Variants in ATF7IP observed in about 807,000 individuals in gnomAD.
The protein encoded by ATF7IP is activating transcription factor 7-interacting protein 1.
In ATF7IP, 23 loss-of-function variants were observed where a neutral mutation model predicts 106.4. The observed-to-expected ratio is 0.22, with a 90% CI of 0.16 to 0.31. The LOEUF (loss-of-function observed/expected upper bound fraction) is 0.31. Ranked by LOEUF, ATF7IP falls within the 10% of genes least tolerant of loss-of-function variation. The pLI is 1.00. For synonymous variants in ATF7IP, 542 were observed against 539.0 expected, an observed-to-expected ratio of 1.01 and a Z score of -0.08; for missense variants, 1,334 against 1,524.3, an observed-to-expected ratio of 0.88 and a Z score of 2.08.
intron 1 of ATF7IP, among the ~76,000 whole-genome samples, chr12:14,417,398 G>A (rs1941260888): frequency 6.6e-6 from 1 of 152,024 alleles, no homozygotes; most frequent in South Asian, 2.1e-4. Flanking sequence ...AATCCTTTGG[G>A]TCCAGAATAC....
intron 13 of ATF7IP, among the ~76,000 whole-genome samples, chr12:14,495,422 C>T (rs1944983529): frequency 6.6e-6 from 1 of 152,178 alleles, no homozygotes; most frequent in Admixed American, 6.5e-5. Context: ...CATAGCTTGG[C>T]TTCAACTCTC....
At chr12:14,432,462 TAA>T (rs1268299852) in intron 2 of ATF7IP, among the ~76,000 whole-genome samples, 1 of 152,212 alleles carries the variant, frequency 6.6e-6, no homozygotes, top group Non-Finnish European at 1.5e-5. Flanking sequence ...GATGAGGTCT[TAA>T]AACACTTAAA....
intron 12 of ATF7IP, among the ~76,000 whole-genome samples, chr12:14,479,225 G>A (rs529413345): frequency 3.5e-4 from 53 of 152,300 alleles, no homozygotes; most frequent in African/African-American, 1.3e-3. Context: ...CTTATTCTGA[G>A]TGTAACCAAG....
rs1458186997 is a variant in ATF7IP at position 14,501,746 on chromosome 12, C to G, written c.*3673C>G. 1 of 152,204 alleles carries G rather than the reference C, an allele frequency of 6.6e-6. No individual in the cohort carries two copies. Among genetic ancestry groups the G allele is most frequent in the African/African-American group, 2.4e-5 (1 of 41,446 alleles). The allele number at this position is 152,204 out of a possible 1,614,324, so 9.4% of individuals were successfully genotyped here. On this transcript the variant is annotated 3_prime_UTR_variant, in exon 15 of 15. Transcript: ENST00000261168. ...TTTTGAGAAAAGTGACCTAAAACAG[C>G]TGAAATCTTAGGTGCATCTGTCTGC...
At chr12:14,399,079 AT>A (rs1359229898) in intron 1 of ATF7IP, among the ~76,000 whole-genome samples, 1 of 152,080 alleles carries the variant, frequency 6.6e-6, no homozygotes, top group East Asian at 1.9e-4. Context: ...AAGATGATTG[AT>A]CCTCAGTTAT....
chr12:14,465,012 T>C (rs1482339673), intron 9 of ATF7IP, among the ~76,000 whole-genome samples: 1 of 152,112 alleles, frequency 6.6e-6, no homozygotes. Context: ...GGCCAGAAGA[T>C]TGAGACCAGC....
intron 2 of ATF7IP, among the ~76,000 whole-genome samples, chr12:14,433,288 C>G (rs1222799835): frequency 6.6e-6 from 1 of 151,986 alleles, no homozygotes; most frequent in Non-Finnish European, 1.5e-5. Context: ...GGGTGGATCA[C>G]GAGGTCAAGA....
At chr12:14,423,458 G>C (rs147109378) in intron 1 of ATF7IP, among the ~76,000 whole-genome samples, 32 of 150,996 alleles carry the variant, frequency 2.1e-4, no homozygotes, top group African/African-American at 7.5e-4. Flanking sequence ...GGTTGCAAAT[G>C]TAATCTTTCC....
At chr12:14,484,238 ACCT>A (rs908476220) in intron 13 of ATF7IP, among the ~76,000 whole-genome samples, 1 of 151,946 alleles carries the variant, frequency 6.6e-6, no homozygotes, top group African/African-American at 2.4e-5. Flanking sequence ...CCCAGGCATC[ACCT>A]CCATCACTGC....
intron 13 of ATF7IP, among the ~76,000 whole-genome samples, chr12:14,494,319 ATATATATATATATATG>A (rs1165210426): frequency 6.5e-5 from 6 of 92,164 alleles, no homozygotes; most frequent in East Asian, 2.6e-4. Flanking sequence ...ATATATATAT[ATATATATATATATATG>A]TGTGTGTGTA....
At chr12:14,474,507 T>C (rs1373122515) in intron 10 of ATF7IP, among the ~76,000 whole-genome samples, 5 of 151,924 alleles carry the variant, frequency 3.3e-5, no homozygotes, top group African/African-American at 1.2e-4. Context: ...TTCAAGCGAT[T>C]CTCCTGCCTC....
At chr12:14,449,834 A>G (rs1325759010) in intron 6 of ATF7IP, among the ~76,000 whole-genome samples, 1 of 151,900 alleles carries the variant, frequency 6.6e-6, no homozygotes, top group African/African-American at 2.4e-5. Flanking sequence ...TAAACACAGG[A>G]TGTCTTTTCA....
At chr12:14,385,937 A>C (rs1939217697) in intron 1 of ATF7IP, among the ~76,000 whole-genome samples, 1 of 152,030 alleles carries the variant, frequency 6.6e-6, no homozygotes, top group South Asian at 2.1e-4. Flanking sequence ...CTTTCTCATC[A>C]TGCTGCCTCC....
intron 13 of ATF7IP, chr12:14,481,736 C>A (rs1482498216): frequency 1.2e-5 from 3 of 257,804 alleles, no homozygotes; most frequent in East Asian, 1.3e-4. Context: ...ATTCTCTACT[C>A]TATTAAGAAA....
rs770217905 is a variant in ATF7IP, at chr12:14,424,882, G to A, written c.967G>A (p.Asp323Asn). 56 of 1,609,740 alleles carry A rather than the reference G, an allele frequency of 3.5e-5. 2 individuals are homozygous for A. The South Asian group carries it at 5.9e-4, about 17-fold the overall frequency. The change falls in exon 2 of 15, where the codon GAT becomes AAT. Residue 323 changes from aspartate to asparagine, a missense_variant. By Grantham distance (23) the Asp-to-Asn change is conservative. Coordinates refer to ENST00000261168, the MANE Select transcript of ATF7IP (RefSeq NM_018179.5). ...TGATTTTCTTGAAAAAAATGGAGCT[G>A]ATGAAAAATTAGAGCAAATTCAGAG... ...DDDFLEKNGA[D>N]EKLEQIQSKD...
intron 6 of ATF7IP, among the ~76,000 whole-genome samples, chr12:14,456,199 TAAATG>T (rs952646088): frequency 3.3e-5 from 5 of 152,226 alleles, no homozygotes; most frequent in Non-Finnish European, 7.3e-5. Flanking sequence ...AGCTATTTGT[TAAATG>T]AGTGAGTCTG....
Position 14,390,233 on chromosome 12 carries a change from T to C in ATF7IP, c.-8+24406T>C, listed in dbSNP as rs902548907. Among the ~76,000 whole-genome samples, 3 of 152,226 alleles carry C rather than the reference T, an allele frequency of 2.0e-5. No homozygotes were observed. The South Asian group carries it at 6.2e-4, about 32-fold the overall frequency. On this transcript the variant is annotated intron_variant, in intron 1 of 14. Coordinates refer to ENST00000261168, the MANE Select transcript of ATF7IP (RefSeq NM_018179.5). ...AAAGAAAGTAAACATAAGTAAAATTTAGCCTACTTTACTTGGTAGGAGAGA... is the reference window on the plus strand; with the variant it reads ...AAAGAAAGTAAACATAAGTAAAATTCAGCCTACTTTACTTGGTAGGAGAGA...
chr12:14,375,957 C>T (rs1338416693), intron 1 of ATF7IP, among the ~76,000 whole-genome samples: 4 of 152,116 alleles, frequency 2.6e-5, no homozygotes, highest in Non-Finnish European at 5.9e-5. Context: ...CATATTACCA[C>T]TCATTAGTAA....
intron 6 of ATF7IP, among the ~76,000 whole-genome samples, chr12:14,451,245 CTCTT>C (rs994852144): frequency 1.3e-5 from 2 of 150,658 alleles, no homozygotes; most frequent in East Asian, 3.9e-4. Context: ...CTAATGTCTT[CTCTT>C]TCTTTCATTT....
Sources: allele counts gnomAD v4.1 joint callset (sites outside exome capture counted in the v4.1 genomes callset), GRCh38; gene constraint gnomAD v4.1.1; transcripts MANE v1.5; gene names NCBI Gene and HGNC (gene_info 2026-07-23, HGNC 2026-07-21).